The following NKAIN2 variants were observed in gnomAD, a reference collection of about 807,000 sequenced individuals.
The protein encoded by NKAIN2 is sodium/potassium transporting ATPase interacting 2.
In NKAIN2, 14 loss-of-function variants were observed where a neutral mutation model predicts 32.6. The observed-to-expected ratio is 0.43, with a 90% CI of 0.28 to 0.67. The LOEUF (loss-of-function observed/expected upper bound fraction) is 0.67, where lower values mean the gene tolerates loss of function less well. Ranked by LOEUF, NKAIN2 falls within the 30% of genes least tolerant of loss-of-function variation. The probability of loss-of-function intolerance (pLI) is 0.17; values close to 1 mark genes in which losing one functional copy is unlikely to be tolerated. For missense variants in NKAIN2, 198 were observed against 258.3 expected (o/e 0.77, Z 1.60); for synonymous variants, 80 against 87.2 (o/e 0.92, Z 0.46).
At chr6:123,909,756 G>A (rs1029540140) in intron 1 of NKAIN2, among the ~76,000 whole-genome samples, 1 of 152,206 alleles carries the variant, frequency 6.6e-6, no homozygotes, top group Middle Eastern at 3.4e-3. Context: ...TTATCACAGA[G>A]TACAAAGAAA....
At chr6:124,452,062 G>T (rs1776129583) in intron 3 of NKAIN2, among the ~76,000 whole-genome samples, 1 of 151,980 alleles carries the variant, frequency 6.6e-6, no homozygotes, top group East Asian at 1.9e-4. Flanking sequence ...TGGTGCAGTG[G>T]TGTATGCCTA....
chr6:124,666,259 A>G (rs1014842172), intron 4 of NKAIN2, among the ~76,000 whole-genome samples: 1 of 152,172 alleles, frequency 6.6e-6, no homozygotes, highest in Non-Finnish European at 1.5e-5. Context: ...GCAAATACCA[A>G]TGTAAATAGA....
chr6:123,932,583 A>C (rs1444101826), intron 1 of NKAIN2, among the ~76,000 whole-genome samples: 7 of 151,288 alleles, frequency 4.6e-5, no homozygotes, highest in African/African-American at 1.7e-4. Context: ...TGCCCGGCTA[A>C]TTTTTTCTAT....
At chr6:124,695,750 A>G (rs1201420020) in intron 4 of NKAIN2, among the ~76,000 whole-genome samples, 4 of 152,232 alleles carry the variant, frequency 2.6e-5, no homozygotes, top group African/African-American at 9.6e-5. Flanking sequence ...AGGAGGGTTC[A>G]AAGAACACAT....
At chr6:124,204,994 AAG>A in intron 1 of NKAIN2, among the ~76,000 whole-genome samples, 1 of 151,354 alleles carries the variant, frequency 6.6e-6, no homozygotes, top group Non-Finnish European at 1.5e-5. Context: ...GCAAAAAAAA[AAG>A]CCTATATATC....
intron 3 of NKAIN2, among the ~76,000 whole-genome samples, chr6:124,607,318 A>G (rs1782537991): frequency 6.6e-6 from 1 of 152,158 alleles, no homozygotes; most frequent in Non-Finnish European, 1.5e-5. Context: ...GGGCAGCATC[A>G]GAACCAGAAG....
chr6:124,730,901 G>T (rs1776631768), intron 4 of NKAIN2, among the ~76,000 whole-genome samples: 2 of 127,350 alleles, frequency 1.6e-5, no homozygotes, highest in Admixed American at 8.5e-5. Context: ...GTGGGCGAAG[G>T]ACATGAACAG....
intron 2 of NKAIN2, among the ~76,000 whole-genome samples, chr6:124,290,002 G>C (rs965862581): frequency 6.6e-6 from 1 of 151,994 alleles, no homozygotes; most frequent in Non-Finnish European, 1.5e-5. Context: ...AATGACTTTA[G>C]AGTAGTTGTG....
At chr6:124,070,518 C>T (rs1029285001) in intron 1 of NKAIN2, among the ~76,000 whole-genome samples, 1 of 152,100 alleles carries the variant, frequency 6.6e-6, no homozygotes, top group Admixed American at 6.5e-5. Flanking sequence ...TACCAAAAAC[C>T]CTTGGCATTT....
intron 1 of NKAIN2, among the ~76,000 whole-genome samples, chr6:123,822,736 A>C (rs913728249): frequency 6.6e-6 from 1 of 152,108 alleles, no homozygotes; most frequent in Non-Finnish European, 1.5e-5. Context: ...AGCTGCTGGA[A>C]TCTGATTCTC....
intron 1 of NKAIN2, among the ~76,000 whole-genome samples, chr6:124,133,658 C>T (rs574985742): frequency 3.3e-5 from 5 of 152,032 alleles, no homozygotes; most frequent in Non-Finnish European, 7.4e-5. Flanking sequence ...CTAGAGATCC[C>T]CATCATTACA....
intron 3 of NKAIN2, among the ~76,000 whole-genome samples, chr6:124,492,791 A>T (rs1777915647): frequency 6.6e-6 from 1 of 152,062 alleles, no homozygotes; most frequent in Non-Finnish European, 1.5e-5. Context: ...ACATATATGC[A>T]TAAAATGTAA....
At chr6:124,575,316 A>T (rs1411912439) in intron 3 of NKAIN2, among the ~76,000 whole-genome samples, 1 of 152,170 alleles carries the variant, frequency 6.6e-6, no homozygotes, top group Non-Finnish European at 1.5e-5. Flanking sequence ...TCAGGTATGG[A>T]CAATTGTCAT....
At chr6:124,794,559 C>T (rs897518126) in intron 5 of NKAIN2, among the ~76,000 whole-genome samples, 2 of 152,182 alleles carry the variant, frequency 1.3e-5, no homozygotes, top group South Asian at 2.1e-4. Context: ...CTCAAAGACA[C>T]GTTTTATCAT....
intron 1 of NKAIN2, among the ~76,000 whole-genome samples, chr6:124,236,213 G>A (rs955980560): frequency 6.6e-6 from 1 of 152,094 alleles, no homozygotes; most frequent in African/African-American, 2.4e-5. Context: ...TATGTGATAT[G>A]TAATAAAGTA....
At chr6:124,494,164 C>G (rs943428103) in intron 3 of NKAIN2, among the ~76,000 whole-genome samples, 3 of 152,162 alleles carry the variant, frequency 2.0e-5, no homozygotes, top group Non-Finnish European at 2.9e-5. Flanking sequence ...GCTTAGGTGT[C>G]TTTCTTCCCT....
chr6:124,091,728 CAGGTT>C (rs1312765377), intron 1 of NKAIN2, among the ~76,000 whole-genome samples: 1 of 151,898 alleles, frequency 6.6e-6, no homozygotes, highest in Non-Finnish European at 1.5e-5. Context: ...TATTTAATGT[CAGGTT>C]GCTACCATCT....
chr6:124,749,006 T>G (rs764082241), intron 4 of NKAIN2, among the ~76,000 whole-genome samples: 1 of 151,932 alleles, frequency 6.6e-6, no homozygotes, highest in Non-Finnish European at 1.5e-5. Flanking sequence ...GAAATTACAG[T>G]GTTAGCAGGG....
At chr6:124,401,159 G>A (rs1160919414) in intron 3 of NKAIN2, among the ~76,000 whole-genome samples, 4 of 152,026 alleles carry the variant, frequency 2.6e-5, no homozygotes, top group African/African-American at 4.8e-5. Context: ...TTACCAAAAA[G>A]AGTACCAATA....
Sources: allele counts gnomAD v4.1 joint callset (sites outside exome capture counted in the v4.1 genomes callset), GRCh38; gene constraint gnomAD v4.1.1; transcripts MANE v1.5; gene names NCBI Gene and HGNC (gene_info 2026-07-23, HGNC 2026-07-21).